Variants in GPR37L1 observed in about 807,000 individuals in gnomAD.
GPR37L1 encodes G protein-coupled receptor 37 like 1, also known as G protein-coupled receptor 37-like 1.
GPR37L1 carries 18 observed loss-of-function variants against 18.0 expected under a neutral mutation model. The observed-to-expected ratio is 1.00, with a 90% CI of 0.69 to 1.49. GPR37L1 has a LOEUF of 1.49. GPR37L1 is among the 40% of genes most tolerant of loss of function. The pLI is 0.00. For synonymous variants in GPR37L1, 256 were observed against 273.9 expected (o/e 0.93, Z 0.65); for missense variants, 558 against 615.1 (o/e 0.91, Z 0.98).
Position 202,128,133 on chromosome 1 carries a change from G to C in GPR37L1, c.1023G>C (p.Arg341Ser). The change falls in exon 2 of 2, where the codon AGG (arginine) becomes AGC (serine). Residue 341 changes from arginine to serine, a missense_variant. Physicochemically the swap from Arg to Ser is moderately radical, Grantham distance 110. Coordinates refer to ENST00000367282, the MANE Select transcript of GPR37L1 (RefSeq NM_004767.5). The stretch of plus-strand genomic sequence containing the variant: ...GGCGGGTGCGAGGCCCTCCAGGGAG[G>C]AAGTCAGAGTGCAGGGCCAGCAAGC... Reference protein sequence around the residue: ...VTWRVRGPPGRKSECRASKHE... With the variant: ...VTWRVRGPPGSKSECRASKHE... 6.2e-7 allele frequency: 1 copy of C among 1,614,088 alleles called. No individual in the cohort carries two copies. The highest frequency in any genetic ancestry group is 2.2e-5 in the East Asian group (1 of 44,876).
chr1:202,124,593 C>T lies in GPR37L1; in HGVS notation c.630+1000C>T, dbSNP rs182179512. Among the ~76,000 whole-genome samples the T allele has an allele frequency of 2.0e-5, 3 of 152,342 alleles. No homozygotes were observed. In the East Asian group the frequency reaches 5.8e-4, roughly 29 times the overall value. ...CAAACAGTCTTTCAAATTTTGGCTG[C>T]ATGGAGTGTAATGGAGTGACTGTGG... On this transcript the variant is annotated intron_variant, in intron 1 of 1. Coordinates refer to ENST00000367282, the MANE Select transcript of GPR37L1 (RefSeq NM_004767.5).
Position 202,123,252 on chromosome 1 carries a change from G to C in GPR37L1, c.289G>C (p.Asp97His), listed in dbSNP as rs1374237352. ...PNPGKDGGTP[D>H]SGQELRGNLT... ...CCCCGGCAAGGATGGGGGCACCCCA[G>C]ACAGTGGGCAGGAACTGAGGGGCAA... is the stretch of plus-strand genomic sequence containing the variant. Residue 97 changes from aspartate (D) to histidine (H), a missense_variant, in exon 1 of 2, where the codon GAC becomes CAC. Transcript: ENST00000367282. 1.2e-6 allele frequency: 2 copies of C among 1,614,010 alleles called. No individual in the cohort carries two copies. The highest frequency in any genetic ancestry group is 2.2e-5 in the South Asian group (2 of 91,092).
At chr1:202,123,701 G>A (rs1278518763) in intron 1 of GPR37L1, 108 bp downstream of exon 1, 11 of 983,398 alleles carry the variant, frequency 1.1e-5, no homozygotes, top group Admixed American at 2.3e-5. Context: ...TGCAAAACCT[G>A]AGTCTTGGAG....
At position 202,123,198 on chromosome 1, in the gene GPR37L1, A is replaced by C; in HGVS notation, c.235A>C (p.Thr79Pro). Reference protein sequence around the residue: ...RPIHPAGLQPTKPLVATSPNP... With the variant: ...RPIHPAGLQPPKPLVATSPNP... The stretch of plus-strand genomic sequence containing the variant: ...CATTCACCCTGCTGGCCTGCAGCCA[A>C]CCAAGCCCTTGGTGGCCACCAGCCC... The change falls in exon 1 of 2, where the codon ACC becomes CCC. Residue 79 changes from threonine to proline, a missense_variant. Transcript: ENST00000367282. The C allele has an allele frequency of 6.2e-7, 1 of 1,613,688 alleles. No homozygotes were observed.
In GPR37L1 at chr1:202,123,425, C is replaced by G; in HGVS notation, c.462C>G (p.Ile154Met). The G allele has an allele frequency of 6.2e-7, 1 of 1,614,118 alleles. No homozygotes were observed. ...TGGGCAACCTGTCGGTCATGTGCATCGTGTGGCACAGCTACTACCTGAAGA... is the reference window on the plus strand; with the variant it reads ...TGGGCAACCTGTCGGTCATGTGCATGGTGTGGCACAGCTACTACCTGAAGA... ...GIVGNLSVMCIVWHSYYLKSA... is the reference protein window; with the variant it reads ...GIVGNLSVMCMVWHSYYLKSA... The change falls in exon 1 of 2, where the codon ATC becomes ATG. Residue 154 changes from isoleucine (I) to methionine (M), a missense_variant. Transcript: ENST00000367282.
chr1:202,125,141 G>A (rs1157528211), intron 1 of GPR37L1, among the ~76,000 whole-genome samples: 4 of 105,750 alleles, frequency 3.8e-5, no homozygotes, highest in African/African-American at 3.7e-5. Flanking sequence ...GTGACAGAGT[G>A]AAATTCTGTC....
At position 202,129,508 on chromosome 1, in the gene GPR37L1, C is replaced by A. The variant is rs2147807118; in HGVS notation, c.*952C>A. On this transcript the variant is annotated 3_prime_UTR_variant, in exon 2 of 2. Transcript: ENST00000367282. ...GAAACAATAAACTAGGTAGAACTAC[C>A]CCTATGCCCATCCACTTTCTTGTGC... 6.6e-6 allele frequency: 1 copy of A among 152,390 alleles called. No individual in the cohort carries two copies. The highest frequency in any genetic ancestry group is 2.1e-4 in the South Asian group (1 of 4,828). The allele number at this position is 152,390 out of a possible 1,614,324, so 9.4% of individuals were successfully genotyped here.
At chr1:202,124,421 C>T (rs1030671308) in intron 1 of GPR37L1, among the ~76,000 whole-genome samples, 1 of 152,218 alleles carries the variant, frequency 6.6e-6, no homozygotes, top group African/African-American at 2.4e-5. Context: ...GCCCTTACTT[C>T]TGGTAGCGTC....
rs369520081 is a variant in GPR37L1 at position 202,127,841 on chromosome 1, G to A, written c.731G>A (p.Arg244Gln). 50 of 1,613,780 alleles carry A rather than the reference G, an allele frequency of 3.1e-5. No homozygotes were observed. Among genetic ancestry groups the A allele is most frequent in the Non-Finnish European group, 3.8e-5 (45 of 1,179,948 alleles). ...CTGCCCAAGGTGAGGCCCATCGAGCGGTGCCAATCCATCCTGGCCAAGTTG... is the reference window on the plus strand; with the variant it reads ...CTGCCCAAGGTGAGGCCCATCGAGCAGTGCCAATCCATCCTGGCCAAGTTG... Reference protein sequence around the residue: ...STLPKVRPIERCQSILAKLAV... With the variant: ...STLPKVRPIEQCQSILAKLAV... Residue 244 changes from arginine to glutamine, a missense_variant, in exon 2 of 2, where the codon CGG (arginine) becomes CAG (glutamine). Physicochemically the swap from Arg to Gln is conservative, Grantham distance 43 (BLOSUM62 1). Transcript: ENST00000367282.
Position 202,133,351 on chromosome 1 carries a change from C to T in GPR37L1, c.*4795C>T, listed in dbSNP as rs1654912901. 1.3e-5 allele frequency: 2 copies of T among 152,212 alleles called. No homozygotes were observed. The highest frequency in any genetic ancestry group is 4.1e-4 in the South Asian group (2 of 4,836). 9.4% of individuals were successfully genotyped at this position (152,212 alleles called of 1,614,324 possible). On this transcript the variant is annotated 3_prime_UTR_variant, in exon 2 of 2. Coordinates refer to ENST00000367282, the MANE Select transcript of GPR37L1 (RefSeq NM_004767.5). ...GGGGTGTGCTGGTGGCCCTGTGGGC[C>T]TGTAGGGCAACCCATGCCAACTGCG...
chr1:202,128,147 G>C lies in GPR37L1; in HGVS notation c.1037G>C (p.Arg346Thr). 1 of 1,614,076 alleles carries C rather than the reference G, an allele frequency of 6.2e-7. No homozygotes were observed. The highest frequency in any genetic ancestry group is 1.1e-5 in the South Asian group (1 of 91,082). The change falls in exon 2 of 2, where the codon AGG becomes ACG. Residue 346 changes from arginine to threonine, a missense_variant. Physicochemically the swap from Arg to Thr is moderately conservative, Grantham distance 71 (BLOSUM62 -1). Transcript: ENST00000367282. ...CCTCCAGGGAGGAAGTCAGAGTGCAGGGCCAGCAAGCACGAGCAGTGTGAG... is the reference window on the plus strand; with the variant it reads ...CCTCCAGGGAGGAAGTCAGAGTGCACGGCCAGCAAGCACGAGCAGTGTGAG... ...RGPPGRKSEC[R>T]ASKHEQCESQ...
At position 202,128,687 on chromosome 1, in the gene GPR37L1, T is replaced by C. The variant is rs891545130; in HGVS notation, c.*131T>C. 8 of 639,626 alleles carry C rather than the reference T, an allele frequency of 1.3e-5. No homozygotes were observed. The Admixed American group carries it at 2.1e-4, about 17-fold the overall frequency. 39.6% of individuals were successfully genotyped at this position (639,626 alleles called of 1,614,324 possible). ...TGGACTTGGTTCCTCTTGTCAAGGT[T>C]TGGGAATGTCAAAGCCCCCTCCCCA... is the stretch of plus-strand genomic sequence containing the variant. On this transcript the variant is annotated 3_prime_UTR_variant, in exon 2 of 2. Transcript: ENST00000367282.
rs1289284034 is a variant in GPR37L1, at chr1:202,128,043, G to A, written c.933G>A (p.Trp311Ter). 1 of 1,614,198 alleles carries A rather than the reference G, an allele frequency of 6.2e-7. No individual in the cohort carries two copies. The highest frequency in any genetic ancestry group is 1.3e-5 in the African/African-American group (1 of 75,062). The change falls in exon 2 of 2, where the codon TGG becomes TGA. Residue 311 changes from tryptophan to a stop codon, truncating the protein, a stop_gained. Transcript: ENST00000367282. LOFTEE classifies it low-confidence loss of function (END_TRUNC). ...TGACCTACCAGAACGCCCGCATGTG[G>A]TGGTACTTTGGCTGCTACTTCTGCC... Reference protein sequence around the residue: ...LVMTYQNARMWWYFGCYFCLP... With the variant: ...LVMTYQNARM
rs932305623 is a variant in GPR37L1 at position 202,123,274 on chromosome 1, G to A, written c.311G>A (p.Gly104Asp). The A allele has an allele frequency of 6.2e-7, 1 of 1,613,984 alleles. No homozygotes were observed. The highest frequency in any genetic ancestry group is 2.2e-5 in the East Asian group (1 of 44,868). The change falls in exon 1 of 2, where the codon GGC becomes GAC. Residue 104 changes from glycine (G) to aspartate (D), a missense_variant. Physicochemically the swap from Gly to Asp is moderately conservative, Grantham distance 94 (BLOSUM62 -1). Coordinates refer to ENST00000367282, the MANE Select transcript of GPR37L1 (RefSeq NM_004767.5). The part of the protein sequence containing the change: ...GTPDSGQELR[G>D]NLTGAPGQRL... ...CCAGACAGTGGGCAGGAACTGAGGGGCAATCTGACAGGAGCACCAGGGCAG... is the reference window on the plus strand; with the variant it reads ...CCAGACAGTGGGCAGGAACTGAGGGACAATCTGACAGGAGCACCAGGGCAG...
In GPR37L1 at chr1:202,123,173, C is replaced by T. The variant is rs1654552533; in HGVS notation, c.210C>T (p.Pro70=). Residue 70 remains proline, a synonymous_variant, in exon 1 of 2, where the codon CCC becomes CCT. Coordinates refer to ENST00000367282, the MANE Select transcript of GPR37L1 (RefSeq NM_004767.5). ...AGGAGTGGGCGGAGTACCCCCGGCC[C>T]ATTCACCCTGCTGGCCTGCAGCCAA... ...VPEEWAEYPR[P]IHPAGLQPTK... is the part of the protein sequence containing the mutation. 6.2e-7 allele frequency: 1 copy of T among 1,613,422 alleles called. No individual in the cohort carries two copies. Among genetic ancestry groups the T allele is most frequent in the Non-Finnish European group, 8.5e-7 (1 of 1,179,704 alleles).
Position 202,128,480 on chromosome 1 carries a change from C to T in GPR37L1, c.1370C>T (p.Thr457Ile). 1 of 1,609,950 alleles carries T rather than the reference C, an allele frequency of 6.2e-7. No homozygotes were observed. Among genetic ancestry groups the T allele is most frequent in the Non-Finnish European group, 8.5e-7 (1 of 1,178,036 alleles). ...AATGGGTCGGACAACAAGCTCAAGA[C>T]CGAGGTGTCCTCTTCCATCTACTTC... ...AANGSDNKLK[T>I]EVSSSIYFHK... The change falls in exon 2 of 2, where the codon ACC becomes ATC. Residue 457 changes from threonine to isoleucine, a missense_variant. By Grantham distance (89) the Thr-to-Ile change is moderately conservative. Transcript: ENST00000367282.
chr1:202,128,271 C>A lies in GPR37L1; in HGVS notation c.1161C>A (p.Thr387=), dbSNP rs146419443. 3.4e-4 allele frequency: 541 copies of A among 1,614,064 alleles called. No homozygotes were observed. Among genetic ancestry groups the A allele is most frequent in the Non-Finnish European group, 4.3e-4 (513 of 1,180,016 alleles). The change falls in exon 2 of 2, where the codon ACC becomes ACA. Residue 387 remains threonine (T), a synonymous_variant. Transcript: ENST00000367282. Reference sequence around the variant, plus strand: ...ACATCGTGGTGGCCTACCTCTCCACCGAGCTGACCCGCCAGACCCTGGACC... The same window carrying A: ...ACATCGTGGTGGCCTACCTCTCCACAGAGCTGACCCGCCAGACCCTGGACC... ...VCNIVVAYLS[T]ELTRQTLDLL...
rs565062364 is a variant in GPR37L1, at chr1:202,127,792, C to T, written c.682C>T (p.Arg228Cys). Reference protein sequence around the residue: ...TFSLCALGIDRFHVATSTLPK... With the variant: ...TFSLCALGIDCFHVATSTLPK... Reference sequence around the variant, plus strand: ...CAGCCTCTGTGCCCTGGGCATTGACCGCTTCCACGTGGCCACCAGCACCCT... The same window carrying T: ...CAGCCTCTGTGCCCTGGGCATTGACTGCTTCCACGTGGCCACCAGCACCCT... The change falls in exon 2 of 2, where the codon CGC (arginine) becomes TGC (cysteine). Residue 228 changes from arginine (R) to cysteine (C), a missense_variant. Transcript: ENST00000367282. The T allele has an allele frequency of 5.4e-5, 87 of 1,606,928 alleles. No homozygotes were observed. The East Asian group carries it at 1.4e-3, about 26-fold the overall frequency.
chr1:202,127,307 T>TTCCTTCCTTCCTTCCTTCTTTCC (rs72119974), intron 1 of GPR37L1, among the ~76,000 whole-genome samples: 1 of 138,866 alleles, frequency 7.2e-6, no homozygotes, highest in Non-Finnish European at 1.6e-5. Context: ...TCCTTCCTTC[T>TTCCTTCCTTCCTTCCTTCTTTCC]TTCCTTCCTT....
Sources: gnomAD v4.1 joint callset for allele counts (sites outside exome capture counted in the v4.1 genomes callset) on GRCh38, gnomAD v4.1.1 for gene constraint, MANE v1.5 for transcripts, NCBI Gene and HGNC (gene_info 2026-07-23, HGNC 2026-07-21) for gene names.